Variants in PPP3CA observed in about 807,000 individuals in gnomAD.
PPP3CA encodes the protein CAM-PRP catalytic subunit.
PPP3CA carries 14 observed loss-of-function variants against 66.5 expected under a neutral mutation model. That is an observed-to-expected ratio of 0.21 (90% CI 0.14 to 0.33). PPP3CA has a LOEUF of 0.33. PPP3CA is among the 10% of genes least tolerant of loss of function. The pLI, the probability that PPP3CA is intolerant of heterozygous loss-of-function variation, is 1.00. For synonymous variants in PPP3CA, 232 were observed against 226.2 expected (o/e 1.03, Z -0.23); for missense variants, 317 against 639.5 (o/e 0.50, Z 5.44).
In PPP3CA at chr4:101,336,292, C is replaced by T. The variant is rs1360332202; in HGVS notation, c.58+10447G>A. ...AAGACTTAAGAACAAGAAAGCTGGCCGGCCGCAGTGGCTCACGCCTGTAAT... is the reference window on the plus strand; with the variant it reads ...AAGACTTAAGAACAAGAAAGCTGGCTGGCCGCAGTGGCTCACGCCTGTAAT... On this transcript the variant is annotated intron_variant, in intron 1 of 13. Transcript: ENST00000394854. Among the ~76,000 whole-genome samples the T allele has an allele frequency of 7.2e-5, 11 of 151,732 alleles. No homozygotes were observed. In the South Asian group the frequency reaches 1.0e-3, roughly 14 times the overall value.
chr4:101,109,356 T>C (rs1224031040), intron 2 of PPP3CA, among the ~76,000 whole-genome samples: 1 of 146,716 alleles, frequency 6.8e-6, no homozygotes, highest in Non-Finnish European at 1.5e-5. Context: ...CAATAATGGC[T>C]ATCATTGTGC....
At chr4:101,139,696 G>GTGTTTTTTT (rs1553927959) in intron 2 of PPP3CA, among the ~76,000 whole-genome samples, 1 of 98,406 alleles carries the variant, frequency 1.0e-5, no homozygotes, top group African/African-American at 4.0e-5. Flanking sequence ...TTTTTTTTGT[G>GTGTTTTTTT]TTTTTTTTTT....
intron 2 of PPP3CA, among the ~76,000 whole-genome samples, chr4:101,146,188 T>C (rs1160580975): frequency 6.6e-6 from 1 of 152,180 alleles, no homozygotes; most frequent in African/African-American, 2.4e-5. Context: ...AAGCCTGAAA[T>C]CCATATTCTC....
Position 101,346,167 on chromosome 4 carries a change from C to T in PPP3CA, c.58+572G>A, listed in dbSNP as rs539584585. Among the ~76,000 whole-genome samples, 54 of 151,908 alleles carry T rather than the reference C, an allele frequency of 3.6e-4. No individual in the cohort carries two copies. The South Asian group carries it at 0.011, about 31-fold the overall frequency. On this transcript the variant is annotated intron_variant, in intron 1 of 13. Transcript: ENST00000394854. ...CACGCTCTCCCGCTCTCTCGCGAGT[C>T]CTGTGCAGGCCCTTCCAGGGGGAGG...
rs1030040366 is a variant in PPP3CA at position 101,023,899 on chromosome 4, C to T, written c.*1966G>A. 42 of 152,540 alleles carry T rather than the reference C, an allele frequency of 2.8e-4. No individual in the cohort carries two copies. Among genetic ancestry groups the T allele is most frequent in the African/African-American group, 8.7e-4 (36 of 41,408 alleles). The allele number at this position is 152,540 out of a possible 1,614,324, so 9.4% of individuals were successfully genotyped here. On this transcript the variant is annotated 3_prime_UTR_variant, in exon 14 of 14. Coordinates refer to ENST00000394854, the MANE Select transcript of PPP3CA (RefSeq NM_000944.5). ...GGTGATGATTAGATAGTAGCTGAAG[C>T]GTGGGTATACAAATTTCTTGTTAAT...
chr4:101,083,351 T>C, intron 6 of PPP3CA, 88 bp from the exon 7 acceptor site: 2 of 1,155,660 alleles, frequency 1.7e-6, no homozygotes, highest in East Asian at 2.4e-5. Context: ...TCTATGTGAC[T>C]GGATCAAAGA....
At chr4:101,281,058 C>T (rs866988627) in intron 1 of PPP3CA, among the ~76,000 whole-genome samples, 1 of 152,120 alleles carries the variant, frequency 6.6e-6, no homozygotes, top group African/African-American at 2.4e-5. Context: ...GAATGTGTTC[C>T]GGGAGAGACA....
At chr4:101,224,315 G>A (rs753618831) in intron 1 of PPP3CA, among the ~76,000 whole-genome samples, 1 of 151,564 alleles carries the variant, frequency 6.6e-6, no homozygotes, top group African/African-American at 2.4e-5. Flanking sequence ...TGGCTTTTTA[G>A]GTCAAAATTA....
At chr4:101,145,497 G>A (rs562395476) in intron 2 of PPP3CA, among the ~76,000 whole-genome samples, 1 of 152,190 alleles carries the variant, frequency 6.6e-6, no homozygotes, top group African/African-American at 2.4e-5. Flanking sequence ...GAAATGGAGG[G>A]CAGGATGTTA....
intron 1 of PPP3CA, among the ~76,000 whole-genome samples, chr4:101,307,759 C>T (rs1485365023): frequency 6.6e-6 from 1 of 152,166 alleles, no homozygotes; most frequent in Non-Finnish European, 1.5e-5. Flanking sequence ...AGCCTTCCTC[C>T]AGCGCGAATA....
intron 1 of PPP3CA, among the ~76,000 whole-genome samples, chr4:101,263,716 G>C (rs1414415145): frequency 7.3e-5 from 11 of 151,674 alleles, no homozygotes; most frequent in Non-Finnish European, 1.3e-4. Context: ...TCTCCAGACT[G>C]ACAGGGGTCT....
chr4:101,065,764 A>G (rs1728654357), intron 8 of PPP3CA, among the ~76,000 whole-genome samples: 2 of 152,256 alleles, frequency 1.3e-5, no homozygotes, highest in African/African-American at 4.8e-5. Context: ...ATAATTAAAG[A>G]GGTTTTAGCT....
intron 8 of PPP3CA, among the ~76,000 whole-genome samples, chr4:101,077,824 G>GTT (rs74428810): frequency 6.7e-4 from 89 of 133,598 alleles, no homozygotes; most frequent in South Asian, 2.2e-3. Context: ...ACTGGTATCT[G>GTT]TTTTTTTTTT....
At chr4:101,090,727 C>G (rs1230312838) in intron 6 of PPP3CA, among the ~76,000 whole-genome samples, 1 of 149,660 alleles carries the variant, frequency 6.7e-6, no homozygotes, top group African/African-American at 2.5e-5. Context: ...GTTTAATTCT[C>G]TGATTATCCT....
At chr4:101,331,932 G>A (rs1016245728) in intron 1 of PPP3CA, among the ~76,000 whole-genome samples, 6 of 152,100 alleles carry the variant, frequency 3.9e-5, no homozygotes, top group African/African-American at 7.2e-5. Context: ...AGTAGGTATC[G>A]GCATAATCAA....
At chr4:101,139,696 G>GTGT (rs1553927959) in intron 2 of PPP3CA, among the ~76,000 whole-genome samples, 34 of 98,410 alleles carry the variant, frequency 3.5e-4, no homozygotes, top group African/African-American at 1.4e-3. Context: ...TTTTTTTTGT[G>GTGT]TTTTTTTTTT....
At chr4:101,221,731 C>G (rs1010343351) in intron 1 of PPP3CA, among the ~76,000 whole-genome samples, 3 of 151,574 alleles carry the variant, frequency 2.0e-5, no homozygotes, top group Admixed American at 6.6e-5. Context: ...TTAAGGATGA[C>G]TGCATATATA....
At chr4:101,130,332 A>G (rs1216374700) in intron 2 of PPP3CA, among the ~76,000 whole-genome samples, 1 of 152,196 alleles carries the variant, frequency 6.6e-6, no homozygotes, top group African/African-American at 2.4e-5. Context: ...ACAGTTCAAT[A>G]TATTATCCAG....
chr4:101,127,008 T>C (rs953984408), intron 2 of PPP3CA, among the ~76,000 whole-genome samples: 1 of 152,174 alleles, frequency 6.6e-6, no homozygotes, highest in Non-Finnish European at 1.5e-5. Flanking sequence ...TTCAATACCC[T>C]GATTCCTCTA....
Sources: allele counts gnomAD v4.1 joint callset (sites outside exome capture counted in the v4.1 genomes callset), GRCh38; gene constraint gnomAD v4.1.1; transcripts MANE v1.5; gene names NCBI Gene and HGNC (gene_info 2026-07-23, HGNC 2026-07-21).